TMTC2: variants seen among roughly 807,000 people sequenced by gnomAD.
The protein encoded by TMTC2 is transmembrane O-mannosyltransferase targeting cadherins 2, also known as protein O-mannosyl-transferase TMTC2.
A neutral mutation model predicts 82.4 loss-of-function variants in TMTC2; 43 were observed. The ratio of observed to expected loss-of-function variants is 0.52; its 90% CI spans 0.41 to 0.67. The LOEUF (loss-of-function observed/expected upper bound fraction) is 0.67, where lower values mean the gene tolerates loss of function less well. Ranked by LOEUF, TMTC2 falls within the 30% of genes least tolerant of loss-of-function variation. The pLI is 0.00. For missense variants in TMTC2, 919 were observed against 1,012.4 expected, an observed-to-expected ratio of 0.91 and a Z score of 1.25; for synonymous variants, 408 against 381.9, an observed-to-expected ratio of 1.07 and a Z score of -0.80.
At chr12:82,982,551 C>T (rs542091115) in intron 7 of TMTC2, among the ~76,000 whole-genome samples, 1 of 150,862 alleles carries the variant, frequency 6.6e-6, no homozygotes, top group Non-Finnish European at 1.5e-5. Context: ...AGACTTAGAA[C>T]TAAAGTGTTA....
rs546072473 is a variant in TMTC2, at chr12:83,008,005, A to G, written c.2070+21959A>G. The stretch of plus-strand genomic sequence containing the variant: ...TTCACTGTAATTCGCAACCTTATCC[A>G]TAGGTAAGGTGATTTTTTCCCCCCT... On this transcript the variant is annotated intron_variant, in intron 8 of 11. Coordinates refer to ENST00000321196, the MANE Select transcript of TMTC2 (RefSeq NM_152588.3). Among the ~76,000 whole-genome samples, 15 of 152,278 alleles carry G rather than the reference A, an allele frequency of 9.9e-5. No individual in the cohort carries two copies. In the South Asian group the frequency reaches 2.9e-3, roughly 29 times the overall value.
chr12:82,787,041 C>T (rs1191018849), intron 1 of TMTC2, among the ~76,000 whole-genome samples: 1 of 152,086 alleles, frequency 6.6e-6, no homozygotes, highest in Non-Finnish European at 1.5e-5. Context: ...AGAGCTTTAT[C>T]AGGCTGTTTC....
intron 8 of TMTC2, among the ~76,000 whole-genome samples, chr12:83,018,035 T>TA (rs373567472): frequency 1.4e-5 from 2 of 141,832 alleles, no homozygotes; most frequent in South Asian, 4.6e-4. Context: ...TATATATATA[T>TA]TGTGTGTGTG....
intron 8 of TMTC2, among the ~76,000 whole-genome samples, chr12:82,989,568 C>T (rs1371205393): frequency 2.0e-5 from 3 of 151,136 alleles, no homozygotes; most frequent in African/African-American, 4.9e-5. Context: ...CTGCACCCCC[C>T]CCAAAAAAAA....
intron 1 of TMTC2, among the ~76,000 whole-genome samples, chr12:82,793,332 G>T (rs1190701242): frequency 6.7e-6 from 1 of 148,560 alleles, no homozygotes; most frequent in Non-Finnish European, 1.5e-5. Context: ...TTTTTCTCAG[G>T]ATAAGAAAGC....
At chr12:83,099,599 C>A (rs1193672656) in intron 11 of TMTC2, among the ~76,000 whole-genome samples, 1 of 152,076 alleles carries the variant, frequency 6.6e-6, no homozygotes, top group Admixed American at 6.6e-5. Context: ...ATATGTGTTA[C>A]ATGCAAGGAT....
In TMTC2 at chr12:82,857,325, G is replaced by C; in HGVS notation, c.399G>C (p.Val133=). The change falls in exon 2 of 12, where the codon GTG becomes GTC. Residue 133 remains valine (V), a synonymous_variant. Coordinates refer to ENST00000321196, the MANE Select transcript of TMTC2 (RefSeq NM_152588.3). ...CTCACCCCATTCACACGGAGGCAGT[G>C]GCAGGAATCGTGGGACGAGCCGATG... ...FASHPIHTEA[V]AGIVGRADVG... is the part of the protein sequence containing the mutation. 6.2e-7 allele frequency: 1 copy of C among 1,614,150 alleles called. No homozygotes were observed. The highest frequency in any genetic ancestry group is 8.5e-7 in the Non-Finnish European group (1 of 1,180,038).
In TMTC2 at chr12:82,850,431, C is replaced by A. The variant is rs113117188; in HGVS notation, c.84-6579C>A. 3.4e-3 allele frequency among the ~76,000 whole-genome samples: 518 copies of A among 151,898 alleles called. 9 individuals carry two copies. Among genetic ancestry groups the A allele is most frequent in the African/African-American group, 0.012 (489 of 41,332 alleles). ...TTGGAAGTGTAGGCTCGTGAGCAAC[C>A]CCCAGGCTAGAGTGGGTGGAGTCAT... On this transcript the variant is annotated intron_variant, in intron 1 of 11. Coordinates refer to ENST00000321196, the MANE Select transcript of TMTC2 (RefSeq NM_152588.3).
At chr12:83,099,965 G>T (rs1884160858) in intron 11 of TMTC2, among the ~76,000 whole-genome samples, 1 of 151,646 alleles carries the variant, frequency 6.6e-6, no homozygotes, top group Non-Finnish European at 1.5e-5. Flanking sequence ...ACCCAGGCTG[G>T]ATGTAGTACA....
chr12:83,040,347 G>A (rs1048117149), intron 9 of TMTC2, among the ~76,000 whole-genome samples: 1 of 152,174 alleles, frequency 6.6e-6, no homozygotes, highest in Non-Finnish European at 1.5e-5. Flanking sequence ...GACTGCTGGT[G>A]AAGAAATCCA....
intron 11 of TMTC2, among the ~76,000 whole-genome samples, chr12:83,126,761 A>G (rs1275424934): frequency 6.6e-6 from 1 of 152,020 alleles, no homozygotes; most frequent in African/African-American, 2.4e-5. Flanking sequence ...AAAGGAGGAG[A>G]GTGATGTTGA....
intron 2 of TMTC2, among the ~76,000 whole-genome samples, chr12:82,887,602 C>A (rs982940217): frequency 2.0e-5 from 3 of 152,064 alleles, no homozygotes; most frequent in African/African-American, 7.2e-5. Flanking sequence ...AGTTGTCAAC[C>A]AGGAACCTTA....
Position 82,901,282 on chromosome 12 carries a change from T to G in TMTC2, c.1483+4636T>G, listed in dbSNP as rs1320197404. On this transcript the variant is annotated intron_variant, in intron 3 of 11. Transcript: ENST00000321196. ...ATCTGGAATATATATATAGAGAGAGTAATATATATATATATATATTTTTTT... is the reference window on the plus strand; with the variant it reads ...ATCTGGAATATATATATAGAGAGAGGAATATATATATATATATATTTTTTT... 2.2e-5 allele frequency among the ~76,000 whole-genome samples: 3 copies of G among 134,852 alleles called. No individual in the cohort carries two copies. In the Admixed American group the frequency reaches 2.3e-4, roughly 10 times the overall value. The allele number at this position is 134,852 out of a possible 152,430, so 88.5% of individuals were successfully genotyped here.
chr12:82,774,421 G>C (rs901505726), intron 1 of TMTC2, among the ~76,000 whole-genome samples: 3 of 151,990 alleles, frequency 2.0e-5, no homozygotes, highest in Non-Finnish European at 4.4e-5. Flanking sequence ...AGGAGTTTGA[G>C]GACAGCCTGG....
intron 11 of TMTC2, among the ~76,000 whole-genome samples, chr12:83,079,378 A>C (rs1448088154): frequency 6.6e-6 from 1 of 152,182 alleles, no homozygotes; most frequent in East Asian, 1.9e-4. Context: ...ATAAGAATTT[A>C]GTTTTTGTGA....
In TMTC2 at chr12:82,697,187, A is replaced by G. The variant is rs557174617; in HGVS notation, c.83+9518A>G. Among the ~76,000 whole-genome samples, 3 of 151,906 alleles carry G rather than the reference A, an allele frequency of 2.0e-5. No individual in the cohort carries two copies. In the East Asian group the frequency reaches 5.9e-4, roughly 30 times the overall value. On this transcript the variant is annotated intron_variant, in intron 1 of 11. Transcript: ENST00000321196. ...GGTGAAACCCCGTCTCTACTAAAAT[A>G]CAAAAAATTAACTGGGCATGGTGAT...
chr12:82,709,101 T>C (rs1185154624), intron 1 of TMTC2, among the ~76,000 whole-genome samples: 3 of 151,306 alleles, frequency 2.0e-5, no homozygotes, highest in African/African-American at 4.9e-5. Context: ...TTTTTTCTTA[T>C]TGGCAAGAAA....
In TMTC2 at chr12:82,961,192, CTATTATTATTATTAT is replaced by C. The variant is rs139490507; in HGVS notation, c.1599-3806_1599-3792del. The stretch of plus-strand genomic sequence containing the variant: ...AAGTGCTGAATAAGTTTCTCTGCCA[CTATTATTATTATTAT>C]TATTATTATTATTATTATTATTATT... On this transcript the variant is annotated intron_variant, in intron 4 of 11. Coordinates refer to ENST00000321196, the MANE Select transcript of TMTC2 (RefSeq NM_152588.3). 3.3e-3 allele frequency among the ~76,000 whole-genome samples: 484 copies of C among 146,246 alleles called. 4 individuals carry two copies. The highest frequency in any genetic ancestry group is 6.6e-3 in the East Asian group (33 of 5,006).
intron 2 of TMTC2, among the ~76,000 whole-genome samples, chr12:82,886,517 A>C: frequency 6.6e-6 from 1 of 152,194 alleles, no homozygotes; most frequent in East Asian, 1.9e-4. Context: ...TGAACAAAAG[A>C]ACTCATTATA....
Sources: allele counts gnomAD v4.1 joint callset (sites outside exome capture counted in the v4.1 genomes callset), GRCh38; gene constraint gnomAD v4.1.1; transcripts MANE v1.5; gene names NCBI Gene and HGNC (gene_info 2026-07-23, HGNC 2026-07-21).